MAP2K3: variants seen among roughly 807,000 people sequenced by gnomAD.
MAP2K3 encodes the protein mitogen-activated protein kinase kinase 3, also known as dual specificity mitogen-activated protein kinase kinase 3.
MAP2K3 carries 30 observed loss-of-function variants against 46.4 expected under a neutral mutation model. The ratio of observed to expected loss-of-function variants is 0.65; its 90% confidence interval spans 0.48 to 0.88. MAP2K3 has a LOEUF of 0.88. MAP2K3 is among the 40% of genes least tolerant of loss of function. The pLI, the probability that MAP2K3 is intolerant of heterozygous loss-of-function variation, is 0.00. For missense variants in MAP2K3, 380 were observed against 464.5 expected (o/e 0.82, Z 1.67); for synonymous variants, 189 against 176.3 (o/e 1.07, Z -0.57).
chr17:21,313,276 C>A (rs921154662), intron 10 of MAP2K3, among the ~76,000 whole-genome samples: 1 of 152,144 alleles, frequency 6.6e-6, no homozygotes, highest in Admixed American at 6.5e-5. Context: ...AAAACCAGGA[C>A]CCCAGGAGCC....
rs1364395009 is a variant in MAP2K3 at position 21,303,066 on chromosome 17, T to G, written c.517-117T>G. On this transcript the variant is annotated intron_variant, in intron 6 of 11. Coordinates refer to ENST00000342679, the MANE Select transcript of MAP2K3 (RefSeq NM_145109.3). Reference sequence around the variant, plus strand: ...GGCTGGGATGAGAGGGTGCGTAGCCTGTGCAGCGGGAGCGGGAGACAGGTG... The same window carrying G: ...GGCTGGGATGAGAGGGTGCGTAGCCGGTGCAGCGGGAGCGGGAGACAGGTG... The G allele has an allele frequency of 2.9e-6, 4 of 1,356,308 alleles. No homozygotes were observed. In the Admixed American group the frequency reaches 7.8e-5, roughly 26 times the overall value. The allele number at this position is 1,356,308 out of a possible 1,614,324, so 84.0% of individuals were successfully genotyped here.
In MAP2K3 at chr17:21,287,977, C is replaced by T. The variant is rs542912716; in HGVS notation, c.49+3008C>T. 7.9e-6 allele frequency: 10 copies of T among 1,263,164 alleles called. No individual in the cohort carries two copies. In the South Asian group the frequency reaches 1.1e-4, roughly 14 times the overall value. The allele number at this position is 1,263,164 out of a possible 1,614,324, so 78.2% of individuals were successfully genotyped here. On this transcript the variant is annotated intron_variant, in intron 1 of 11. Coordinates refer to ENST00000342679, the MANE Select transcript of MAP2K3 (RefSeq NM_145109.3). The stretch of plus-strand genomic sequence containing the variant: ...CACCTCGGGGACTTCCCCCACCCCT[C>T]TTGTGACGCACAGGAAACTCTCTGT...
At chr17:21,310,752 G>T (rs1447771557) in intron 9 of MAP2K3, among the ~76,000 whole-genome samples, 1 of 152,270 alleles carries the variant, frequency 6.6e-6, no homozygotes, top group Non-Finnish European at 1.5e-5. Flanking sequence ...GGTGGGGCCG[G>T]CCCCTGGCGC....
At chr17:21,299,056 T>TGA in intron 3 of MAP2K3, 130 bp downstream of exon 3, 10 of 1,390,634 alleles carry the variant, frequency 7.2e-6, no homozygotes, top group African/African-American at 1.4e-5. Flanking sequence ...GAGAAGAGCC[T>TGA]CGTCCTGCGC....
intron 3 of MAP2K3, 73 bp from the exon 4 acceptor site, chr17:21,300,472 T>C: frequency 6.9e-7 from 1 of 1,448,846 alleles, no homozygotes; most frequent in Admixed American, 2.0e-5. Context: ...GCTGCCCAGG[T>C]ATCTCCACTG....
intron 4 of MAP2K3, 83 bp downstream of exon 4, chr17:21,300,741 C>A: frequency 6.2e-7 from 1 of 1,602,244 alleles, no homozygotes; most frequent in Non-Finnish European, 8.5e-7. Flanking sequence ...CTATCCCTCT[C>A]AGTGATCAGT....
chr17:21,291,355 A>ACACAACACAACACAACACAG, intron 1 of MAP2K3: 1 of 407,804 alleles, frequency 2.5e-6, no homozygotes, highest in East Asian at 7.5e-5. Context: ...ATACAACACA[A>ACACAACACAACACAACACAG]CACAACACAA....
chr17:21,290,298 G>A (rs370052754), intron 1 of MAP2K3, among the ~76,000 whole-genome samples: 4 of 152,200 alleles, frequency 2.6e-5, no homozygotes, highest in East Asian at 3.9e-4. Flanking sequence ...TGCCCAGGAC[G>A]GCTCTGGGTA....
At chr17:21,298,596 C>A (rs1305024619) in intron 2 of MAP2K3, 117 bp downstream of exon 2, 1 of 1,514,228 alleles carries the variant, frequency 6.6e-7, no homozygotes, top group Non-Finnish European at 9.2e-7. Flanking sequence ...CTGTCCTGGG[C>A]AGCCCCTGCT....
intron 9 of MAP2K3, among the ~76,000 whole-genome samples, chr17:21,306,830 G>C (rs1323236983): frequency 1.5e-3 from 233 of 151,076 alleles, no homozygotes; most frequent in Non-Finnish European, 1.9e-3. Context: ...CTGTTGCTCA[G>C]GCTGGAGTGC....
intron 1 of MAP2K3, among the ~76,000 whole-genome samples, chr17:21,294,779 A>G (rs1976146138): frequency 6.6e-6 from 1 of 152,312 alleles, no homozygotes; most frequent in African/African-American, 2.4e-5. Flanking sequence ...CGCGCCAGGC[A>G]CTGCTATGGC....
chr17:21,312,072 C>A (rs1320258136), intron 9 of MAP2K3, 70 bp from the exon 10 acceptor site: 30 of 1,408,506 alleles, frequency 2.1e-5, no homozygotes, highest in Non-Finnish European at 2.7e-5. Context: ...GAGCCCCCAA[C>A]CCTCGCTCCT....
intron 9 of MAP2K3, among the ~76,000 whole-genome samples, chr17:21,310,426 TTTCC>T (rs1386460372): frequency 2.0e-5 from 3 of 152,208 alleles, no homozygotes; most frequent in Admixed American, 1.3e-4. Context: ...TTCCTGCTGT[TTTCC>T]TTCCATTTCA....
At chr17:21,290,716 G>A (rs1208498931) in intron 1 of MAP2K3, among the ~76,000 whole-genome samples, 2 of 152,312 alleles carry the variant, frequency 1.3e-5, no homozygotes, top group Admixed American at 6.5e-5. Flanking sequence ...TTGGGAGGCC[G>A]AGACAGGAGG....
chr17:21,298,421 A>G lies in MAP2K3; in HGVS notation c.58A>G (p.Lys20Glu). The change falls in exon 2 of 12, where the codon AAG (lysine) becomes GAG (glutamate). Residue 20 changes from lysine to glutamate, a missense_variant. Lys to Glu is a moderately conservative substitution (Grantham distance 56). Around this residue, in one of 5 missense-constraint regions of MAP2K3, gnomAD observed 294 missense variants for 275.4 expected, o/e 1.07. Transcript: ENST00000342679. The stretch of plus-strand genomic sequence containing the variant: ...CCTTCTCTCCATTCTAGGAAAATCC[A>G]AGAGGAAGAAGGATCTACGGATATC... ...ASMPQSKGKS[K>E]RKKDLRISCM... is the part of the protein sequence containing the mutation. 1 of 1,614,308 alleles carries G rather than the reference A, an allele frequency of 6.2e-7. No homozygotes were observed. Among genetic ancestry groups the G allele is most frequent in the Non-Finnish European group, 8.5e-7 (1 of 1,180,058 alleles).
chr17:21,298,378 G>T (rs1376632148), intron 1 of MAP2K3, 35 bp from the exon 2 acceptor site: 3 of 1,614,018 alleles, frequency 1.9e-6, no homozygotes, highest in Non-Finnish European at 2.5e-6. Flanking sequence ...GATGTCAAGG[G>T]ATAGGCCAGA....
intron 1 of MAP2K3, among the ~76,000 whole-genome samples, chr17:21,293,378 A>C (rs1258443544): frequency 6.6e-6 from 1 of 152,426 alleles, no homozygotes; most frequent in East Asian, 1.9e-4. Context: ...TCCAAAGCAC[A>C]AGTGGTTCCA....
Position 21,309,069 on chromosome 17 carries a change from G to A in MAP2K3, c.775-3073G>A, listed in dbSNP as rs529741923. Among the ~76,000 whole-genome samples, 75 of 152,400 alleles carry A rather than the reference G, an allele frequency of 4.9e-4. No homozygotes were observed. In the East Asian group the frequency reaches 0.013, roughly 26 times the overall value. ...GATTGGCTGGGGTCATGGCTGGGCTGGGCTGGTCTGGAAGGCCCAAGACGG... is the reference window on the plus strand; with the variant it reads ...GATTGGCTGGGGTCATGGCTGGGCTAGGCTGGTCTGGAAGGCCCAAGACGG... On this transcript the variant is annotated intron_variant, in intron 9 of 11. Transcript: ENST00000342679.
At chr17:21,293,168 C>T (rs1268849849) in intron 1 of MAP2K3, among the ~76,000 whole-genome samples, 2 of 152,430 alleles carry the variant, frequency 1.3e-5, no homozygotes, top group East Asian at 1.9e-4. Context: ...ATTTTGATGG[C>T]CATGGGGCAT....
Sources: allele counts gnomAD v4.1 joint callset (sites outside exome capture counted in the v4.1 genomes callset), GRCh38; gene constraint gnomAD v4.1.1; regional missense constraint gnomAD v4.1.1; transcripts MANE v1.5; gene names NCBI Gene and HGNC (gene_info 2026-07-23, HGNC 2026-07-21).